INVS: variants seen among roughly 807,000 people sequenced by gnomAD.
The protein encoded by INVS is inversin.
In INVS, 86 loss-of-function variants were observed where a neutral mutation model predicts 108.8. That is an observed-to-expected ratio of 0.79 (90% CI 0.66 to 0.95). The LOEUF is 0.95. Among genes scored for constraint, INVS ranks in the 40% least tolerant of loss-of-function variants. The probability of loss-of-function intolerance (pLI) is 0.00; values close to 1 mark genes in which losing one functional copy is unlikely to be tolerated. For missense variants in INVS, 1,169 were observed against 1,297.4 expected (o/e 0.90, Z 1.52); for synonymous variants, 455 against 473.5 (o/e 0.96, Z 0.51).
intron 3 of INVS, among the ~76,000 whole-genome samples, chr9:100,151,783 A>G (rs1267305216): frequency 1.3e-5 from 2 of 152,082 alleles, no homozygotes; most frequent in African/African-American, 4.8e-5. Flanking sequence ...CATCCTGATC[A>G]TTTTCACCAG....
Position 100,229,814 on chromosome 9 carries a change from T to C in INVS, c.602T>C (p.Val201Ala). ...NHKDPSAVHTVRCILDAAPTE... is the reference protein window; with the variant it reads ...NHKDPSAVHTARCILDAAPTE... ...AAAGATCCAAGTGCTGTTCACACAG[T>C]GAGATGCATTCTGGTGAGTTGAATG... Residue 201 changes from valine (V) to alanine (A), a missense_variant, in exon 5 of 17, where the codon GTG (valine) becomes GCG (alanine). Around this residue, in one of 3 missense-constraint regions of INVS, gnomAD observed 365 missense variants for 397.5 expected, o/e 0.92. Transcript: ENST00000262457. The C allele has an allele frequency of 1.2e-6, 2 of 1,613,996 alleles. No homozygotes were observed. The highest frequency in any genetic ancestry group is 1.7e-6 in the Non-Finnish European group (2 of 1,179,846).
chr9:100,256,536 T>G (rs1832428063), intron 10 of INVS, among the ~76,000 whole-genome samples: 2 of 152,250 alleles, frequency 1.3e-5, no homozygotes, highest in African/African-American at 4.8e-5. Flanking sequence ...CTTTCCTGCT[T>G]TCTCTTGTGG....
chr9:100,191,589 A>AT (rs1830221549), intron 3 of INVS, among the ~76,000 whole-genome samples: 1 of 152,100 alleles, frequency 6.6e-6, no homozygotes, highest in South Asian at 2.1e-4. Context: ...ATCCTGAATT[A>AT]TTTTTTTAAC....
chr9:100,265,804 C>T (rs1176186198), intron 11 of INVS, among the ~76,000 whole-genome samples: 5 of 152,122 alleles, frequency 3.3e-5, no homozygotes, highest in African/African-American at 7.2e-5. Flanking sequence ...AGGCCAGGTG[C>T]GGTGGCTCAC....
At chr9:100,232,232 T>C (rs1467638828) in intron 5 of INVS, among the ~76,000 whole-genome samples, 5 of 152,168 alleles carry the variant, frequency 3.3e-5, no homozygotes, top group Admixed American at 2.0e-4. Flanking sequence ...TTTAAGTTCC[T>C]TGTAGATTCT....
chr9:100,111,603 C>T (rs1827339183), intron 2 of INVS, among the ~76,000 whole-genome samples: 1 of 152,240 alleles, frequency 6.6e-6, no homozygotes, highest in Middle Eastern at 3.2e-3. Flanking sequence ...TTAACTGTTC[C>T]TGACAGGAAT....
At chr9:100,105,850 C>CT (rs543070811) in intron 2 of INVS, among the ~76,000 whole-genome samples, 13,536 of 63,774 alleles carry the variant, frequency 0.21, 1,864 homozygotes, top group South Asian at 0.25. Context: ...GAAAAATTCC[C>CT]TTTTTTTTTT....
intron 1 of INVS, among the ~76,000 whole-genome samples, chr9:100,103,145 AC>A (rs1439612860): frequency 3.3e-5 from 5 of 151,534 alleles, no homozygotes; most frequent in Admixed American, 3.3e-4. Context: ...GAGCCATCAC[AC>A]CCGGCCTTAA....
intron 3 of INVS, among the ~76,000 whole-genome samples, chr9:100,134,520 ACT>A (rs1223143837): frequency 6.6e-6 from 1 of 152,158 alleles, no homozygotes; most frequent in Admixed American, 6.5e-5. Flanking sequence ...GAATCTCCAC[ACT>A]GTTTTCCATA....
At chr9:100,116,702 A>C in intron 2 of INVS, 1 of 577,762 alleles carries the variant, frequency 1.7e-6, no homozygotes, top group Non-Finnish European at 2.6e-6. Flanking sequence ...GGTTTTATTT[A>C]TTTTTTATTT....
At chr9:100,289,246 A>G (rs1833541970) in intron 13 of INVS, among the ~76,000 whole-genome samples, 1 of 152,206 alleles carries the variant, frequency 6.6e-6, no homozygotes, top group Non-Finnish European at 1.5e-5. Flanking sequence ...TAATTCTGCC[A>G]CTGAATAACA....
At chr9:100,183,324 C>G (rs992681180) in intron 3 of INVS, among the ~76,000 whole-genome samples, 8 of 152,016 alleles carry the variant, frequency 5.3e-5, no homozygotes, top group African/African-American at 1.9e-4. Context: ...ATACAGGTGA[C>G]AACATACTCT....
At chr9:100,124,901 TAG>T (rs1365478774) in intron 2 of INVS, among the ~76,000 whole-genome samples, 1 of 152,236 alleles carries the variant, frequency 6.6e-6, no homozygotes, top group Admixed American at 6.5e-5. Context: ...TGTCAAGGTT[TAG>T]AATGAACATT....
At chr9:100,144,752 G>A (rs1231083597) in intron 3 of INVS, among the ~76,000 whole-genome samples, 4 of 151,976 alleles carry the variant, frequency 2.6e-5, no homozygotes, top group Admixed American at 6.6e-5. Context: ...TCGGCCTGGC[G>A]ACAAGCAGCC....
chr9:100,259,229 G>A (rs1486314798), intron 10 of INVS, among the ~76,000 whole-genome samples: 1 of 152,212 alleles, frequency 6.6e-6, no homozygotes, highest in Non-Finnish European at 1.5e-5. Flanking sequence ...CCAGGTGTGG[G>A]ATATAATCTC....
At chr9:100,145,801 A>C (rs2118964115) in intron 3 of INVS, among the ~76,000 whole-genome samples, 1 of 152,260 alleles carries the variant, frequency 6.6e-6, no homozygotes, top group South Asian at 2.1e-4. Flanking sequence ...CCAGCGCCGG[A>C]GTTTTGGGTC....
chr9:100,175,340 T>A (rs1174336921), intron 3 of INVS: 22 of 742,292 alleles, frequency 3.0e-5, no homozygotes, highest in South Asian at 2.8e-4. Context: ...ACAGCTCTAA[T>A]TCTTTCACGA....
chr9:100,156,094 T>G (rs983513079), intron 3 of INVS, among the ~76,000 whole-genome samples: 1 of 152,054 alleles, frequency 6.6e-6, no homozygotes, highest in Non-Finnish European at 1.5e-5. Flanking sequence ...CTGGCTCATC[T>G]GGTCATGCTG....
chr9:100,239,682 C>A (rs1197163904), intron 5 of INVS, among the ~76,000 whole-genome samples: 2 of 152,000 alleles, frequency 1.3e-5, no homozygotes, highest in African/African-American at 4.8e-5. Context: ...TCAGTTAATT[C>A]CTGTGCCAGG....
Sources: allele counts gnomAD v4.1 joint callset (sites outside exome capture counted in the v4.1 genomes callset), GRCh38; gene constraint gnomAD v4.1.1; regional missense constraint gnomAD v4.1.1; transcripts MANE v1.5; gene names NCBI Gene and HGNC (gene_info 2026-07-23, HGNC 2026-07-21).